Variants in SDK1 observed in about 807,000 individuals in gnomAD.
The protein encoded by SDK1 is protein sidekick-1.
SDK1 carries 157 observed loss-of-function variants against 245.5 expected under a neutral mutation model. That is an observed-to-expected ratio of 0.64 (90% CI 0.56 to 0.73). The LOEUF (loss-of-function observed/expected upper bound fraction) is 0.73. Ranked by LOEUF, SDK1 falls within the 30% of genes least tolerant of loss-of-function variation. SDK1 has a pLI of 0.00. For missense variants in SDK1, 3,583 were observed against 3,002.3 expected (o/e 1.19, Z -4.52); for synonymous variants, 1,647 against 1,278.5 (o/e 1.29, Z -6.15).
rs1781056804 is a variant in SDK1 at position 4,081,534 on chromosome 7, C to G, written c.3324+1950C>G. 2.6e-5 allele frequency among the ~76,000 whole-genome samples: 4 copies of G among 152,110 alleles called. 1 individual carries two copies. The South Asian group carries it at 8.3e-4, about 32-fold the overall frequency. ...TCCCAGGTTCAAGTGATTCCCCCTGCCTCAGCCTCCCGAGTAGCTGGGGCT... is the reference window on the plus strand; with the variant it reads ...TCCCAGGTTCAAGTGATTCCCCCTGGCTCAGCCTCCCGAGTAGCTGGGGCT... On this transcript the variant is annotated intron_variant, in intron 22 of 44. Transcript: ENST00000404826.
chr7:3,979,778 C>G (rs924871686), intron 13 of SDK1, among the ~76,000 whole-genome samples: 2 of 152,192 alleles, frequency 1.3e-5, no homozygotes, highest in Non-Finnish European at 1.5e-5. Context: ...TTCATATTCC[C>G]CAAAGCATCT....
chr7:3,476,114 T>G (rs1781341698), intron 1 of SDK1: 1 of 152,688 alleles, frequency 6.5e-6, no homozygotes, highest in African/African-American at 2.4e-5. Flanking sequence ...TTAGATTAAG[T>G]GACTAATTTT....
intron 44 of SDK1, among the ~76,000 whole-genome samples, chr7:4,255,850 C>G (rs969663664): frequency 6.6e-6 from 1 of 151,772 alleles, no homozygotes; most frequent in Non-Finnish European, 1.5e-5. Flanking sequence ...TGAGATTTAG[C>G]GCAGATCTTG....
intron 1 of SDK1, among the ~76,000 whole-genome samples, chr7:3,569,798 C>CTT (rs1490934696): frequency 6.6e-6 from 1 of 152,170 alleles, no homozygotes; most frequent in Non-Finnish European, 1.5e-5. Context: ...CTTTTGTTAA[C>CTT]TTTCGGAGGA....
At position 3,379,157 on chromosome 7, in the gene SDK1, A is replaced by G. The variant is rs73294258; in HGVS notation, c.298+77273A>G. Among the ~76,000 whole-genome samples the G allele has an allele frequency of 9.0e-3, 1,374 of 152,220 alleles. 28 individuals carry two copies. The highest frequency in any genetic ancestry group is 0.031 in the African/African-American group (1,296 of 41,538). ...TCATTGGTCCCGTCACTTTTCTAGAAATTTAATCTGTTCCACAACTCTTTA... is the reference window on the plus strand; with the variant it reads ...TCATTGGTCCCGTCACTTTTCTAGAGATTTAATCTGTTCCACAACTCTTTA... On this transcript the variant is annotated intron_variant, in intron 1 of 44. Coordinates refer to ENST00000404826, the MANE Select transcript of SDK1 (RefSeq NM_152744.4).
rs1278352980 is a variant in SDK1 at position 3,375,481 on chromosome 7, T to C, written c.298+73597T>C. ...AGTATTCTTATCCGTGTATAGACTC[T>C]CCTTACATGTGTAGGGCTGACCTGT... On this transcript the variant is annotated intron_variant, in intron 1 of 44. Coordinates refer to ENST00000404826, the MANE Select transcript of SDK1 (RefSeq NM_152744.4). 1.3e-5 allele frequency among the ~76,000 whole-genome samples: 2 copies of C among 152,208 alleles called. 1 individual carries two copies. Among genetic ancestry groups the C allele is most frequent in the Admixed American group, 1.3e-4 (2 of 15,286 alleles).
intron 4 of SDK1, among the ~76,000 whole-genome samples, chr7:3,781,245 G>C (rs547509952): frequency 6.6e-6 from 1 of 152,216 alleles, no homozygotes; most frequent in South Asian, 2.1e-4. Context: ...TAACTGGCCT[G>C]ACCAGAAGTC....
chr7:3,301,666 G>C lies in SDK1; in HGVS notation c.80G>C (p.Arg27Pro), dbSNP rs1779262659. 1 of 974,544 alleles carries C rather than the reference G, an allele frequency of 1.0e-6. No individual in the cohort carries two copies. Among genetic ancestry groups the C allele is most frequent in the Non-Finnish European group, 1.2e-6 (1 of 824,874 alleles). The allele number at this position is 974,544 out of a possible 1,614,324, so 60.4% of individuals were successfully genotyped here. A position where few individuals can be genotyped will look rare whatever the true frequency, so the allele number is the denominator to read the frequency against. ...AEPPERAGPG[R>P]PRGSPPGRAR... ...CCCCCTGAGCGCGCGGGCCCCGGGC[G>C]GCCGCGGGGATCCCCGCCCGGCCGC... Residue 27 changes from arginine (R) to proline (P), a missense_variant, in exon 1 of 45, where the codon CGG becomes CCG. Transcript: ENST00000404826.
intron 5 of SDK1, among the ~76,000 whole-genome samples, chr7:3,863,042 G>A (rs1320067674): frequency 6.6e-6 from 1 of 152,158 alleles, no homozygotes; most frequent in Non-Finnish European, 1.5e-5. Context: ...TTCCTAAGAG[G>A]CCTGGAACCC....
intron 4 of SDK1, among the ~76,000 whole-genome samples, chr7:3,787,406 C>G (rs1275360763): frequency 6.6e-6 from 1 of 152,202 alleles, no homozygotes; most frequent in African/African-American, 2.4e-5. Flanking sequence ...CATGATGCAG[C>G]TGATCACACT....
At chr7:4,012,281 A>G in intron 16 of SDK1, 46 bp downstream of exon 16, 1 of 1,433,596 alleles carries the variant, frequency 7.0e-7, no homozygotes, top group South Asian at 1.7e-5. Flanking sequence ...ATTAGAGTTG[A>G]GCGTCGATTT....
intron 1 of SDK1, among the ~76,000 whole-genome samples, chr7:3,310,959 C>T (rs1055814290): frequency 6.6e-6 from 1 of 152,124 alleles, no homozygotes; most frequent in Admixed American, 6.5e-5. Flanking sequence ...GTGTTTTTAT[C>T]GCATTACCAA....
At chr7:4,152,481 GA>G (rs943460315) in intron 30 of SDK1, among the ~76,000 whole-genome samples, 7 of 151,910 alleles carry the variant, frequency 4.6e-5, no homozygotes, top group South Asian at 2.1e-4. Context: ...CTAAAAGAAG[GA>G]AAAAAAATAT....
At chr7:3,856,507 C>G (rs1320063683) in intron 5 of SDK1, among the ~76,000 whole-genome samples, 2 of 142,012 alleles carry the variant, frequency 1.4e-5, no homozygotes, top group South Asian at 4.5e-4. Flanking sequence ...AAAAAAGCAG[C>G]TGGCCGGGCA....
intron 14 of SDK1, among the ~76,000 whole-genome samples, chr7:3,997,306 C>T (rs1596391): frequency 1.3e-5 from 2 of 151,902 alleles, no homozygotes; most frequent in Non-Finnish European, 2.9e-5. Flanking sequence ...ATTGAGTGTC[C>T]GGACAGCCCA....
intron 1 of SDK1, among the ~76,000 whole-genome samples, chr7:3,477,934 G>A (rs747054745): frequency 4.6e-5 from 7 of 152,024 alleles, no homozygotes; most frequent in African/African-American, 7.2e-5. Flanking sequence ...ACAGTGTTTT[G>A]TCCTATGGTG....
At chr7:4,114,982 C>T (rs1237516056) in intron 25 of SDK1, among the ~76,000 whole-genome samples, 3 of 152,202 alleles carry the variant, frequency 2.0e-5, no homozygotes, top group Non-Finnish European at 4.4e-5. Flanking sequence ...CAACCTTGAG[C>T]AGACCTCTGC....
At chr7:3,873,894 T>G (rs568373175) in intron 5 of SDK1, among the ~76,000 whole-genome samples, 124 of 152,340 alleles carry the variant, frequency 8.1e-4, no homozygotes, top group African/African-American at 2.9e-3. Context: ...CTATAGTTGT[T>G]TTAAATTCTT....
chr7:3,988,922 C>T (rs1233691527), intron 14 of SDK1, among the ~76,000 whole-genome samples: 1 of 152,158 alleles, frequency 6.6e-6, no homozygotes, highest in Non-Finnish European at 1.5e-5. Context: ...CAGGCACCTG[C>T]CACCACGCCC....
Sources: gnomAD v4.1 joint callset for allele counts (sites outside exome capture counted in the v4.1 genomes callset) on GRCh38, gnomAD v4.1.1 for gene constraint, MANE v1.5 for transcripts, NCBI Gene and HGNC (gene_info 2026-07-23, HGNC 2026-07-21) for gene names.